The following SP4 variants were observed in gnomAD, a reference collection of about 807,000 sequenced individuals.
The protein encoded by SP4 is transcription factor Sp4.
In SP4, 19 loss-of-function variants were observed where a neutral mutation model predicts 72.8. The observed-to-expected ratio is 0.26, with a 90% CI of 0.18 to 0.38. SP4 has a LOEUF of 0.38. Among genes scored for constraint, SP4 ranks in the 10% least tolerant of loss-of-function variants. The probability of loss-of-function intolerance (pLI) is 1.00; values close to 1 mark genes in which losing one functional copy is unlikely to be tolerated. For synonymous variants in SP4, 395 were observed against 333.1 expected, an observed-to-expected ratio of 1.19 and a Z score of -2.02; for missense variants, 1,008 against 926.3, an observed-to-expected ratio of 1.09 and a Z score of -1.14.
At chr7:21,475,903 C>G (rs1784485164) in intron 3 of SP4, among the ~76,000 whole-genome samples, 1 of 152,146 alleles carries the variant, frequency 6.6e-6, no homozygotes, top group East Asian at 1.9e-4. Flanking sequence ...ATTTTCTTTT[C>G]AGTCCATTCA....
chr7:21,434,877 G>A (rs1782995858), intron 3 of SP4, among the ~76,000 whole-genome samples: 1 of 151,756 alleles, frequency 6.6e-6, no homozygotes, highest in South Asian at 2.1e-4. Flanking sequence ...TGACTTCAAA[G>A]GAAAAGCAGA....
At chr7:21,489,116 C>A (rs1041023152) in intron 5 of SP4, among the ~76,000 whole-genome samples, 1 of 151,958 alleles carries the variant, frequency 6.6e-6, no homozygotes, top group South Asian at 2.1e-4. Flanking sequence ...TAATATATGA[C>A]GACTTAGTGT....
rs553687911 is a variant in SP4 at position 21,433,887 on chromosome 7, G to A, written c.1678+3044G>A. Reference sequence around the variant, plus strand: ...CCCAGGAGGTGGAGGTTGTTGCAGTGAGCCGAGATCGCGCCATTGCACTTC... The same window carrying A: ...CCCAGGAGGTGGAGGTTGTTGCAGTAAGCCGAGATCGCGCCATTGCACTTC... On this transcript the variant is annotated intron_variant, in intron 3 of 5. Coordinates refer to ENST00000222584, the MANE Select transcript of SP4 (RefSeq NM_003112.5). Among the ~76,000 whole-genome samples, 14 of 151,986 alleles carry A rather than the reference G, an allele frequency of 9.2e-5. No individual in the cohort carries two copies. In the South Asian group the frequency reaches 2.9e-3, roughly 32 times the overall value.
rs1782146064 is a variant in SP4, at chr7:21,511,697, A to G, written c.*428A>G. On this transcript the variant is annotated 3_prime_UTR_variant, in exon 6 of 6. Coordinates refer to ENST00000222584, the MANE Select transcript of SP4 (RefSeq NM_003112.5). ...TCTTTTTCTCTATAGCACAGAAAAC[A>G]GATAGTTAACTGATGATAGGGATAA... 6.2e-6 allele frequency: 1 copy of G among 160,008 alleles called. No homozygotes were observed. Among genetic ancestry groups the G allele is most frequent in the South Asian group, 1.8e-4 (1 of 5,644 alleles). The allele number at this position is 160,008 out of a possible 1,614,324, so 9.9% of individuals were successfully genotyped here.
At chr7:21,479,187 T>A (rs73265661) in intron 4 of SP4, among the ~76,000 whole-genome samples, 1 of 152,144 alleles carries the variant, frequency 6.6e-6, no homozygotes, top group East Asian at 1.9e-4. Context: ...AGTTTTCTAT[T>A]TTCCTTTATT....
chr7:21,445,612 T>G (rs917455980), intron 3 of SP4, among the ~76,000 whole-genome samples: 2 of 152,204 alleles, frequency 1.3e-5, no homozygotes, highest in African/African-American at 4.8e-5. Flanking sequence ...TTGTTTTATC[T>G]TGATCTTAGA....
intron 5 of SP4, chr7:21,482,871 T>C: frequency 2.4e-6 from 1 of 408,558 alleles, no homozygotes; most frequent in Middle Eastern, 1.2e-3. Context: ...TATATAATAT[T>C]TTATCACATG....
intron 5 of SP4, among the ~76,000 whole-genome samples, chr7:21,483,286 A>G (rs1235743344): frequency 1.3e-5 from 2 of 151,588 alleles, no homozygotes; most frequent in African/African-American, 4.8e-5. Flanking sequence ...TATTTATATG[A>G]TTTATATGTT....
intron 3 of SP4, among the ~76,000 whole-genome samples, chr7:21,468,833 A>C (rs571572554): frequency 2.6e-5 from 4 of 152,234 alleles, no homozygotes; most frequent in East Asian, 3.9e-4. Context: ...CTACAGTGAG[A>C]TATCCAATTT....
intron 5 of SP4, among the ~76,000 whole-genome samples, chr7:21,490,225 T>C (rs964098398): frequency 6.6e-6 from 1 of 152,218 alleles, no homozygotes; most frequent in Non-Finnish European, 1.5e-5. Flanking sequence ...GAGATCTTTT[T>C]CCCTCCTTTG....
rs1352743740 is a variant in SP4 at position 21,514,591 on chromosome 7, A to G, written c.*3322A>G. The G allele has an allele frequency of 6.6e-6, 1 of 151,582 alleles. No individual in the cohort carries two copies. The highest frequency in any genetic ancestry group is 1.9e-4 in the East Asian group (1 of 5,174). The allele number at this position is 151,582 out of a possible 1,614,324, so 9.4% of individuals were successfully genotyped here. ...GAAAAAAACCTGTTTCCCATATTCT[A>G]GAATTTAGACAATTATTCTGCCAGC... is the stretch of plus-strand genomic sequence containing the variant. On this transcript the variant is annotated 3_prime_UTR_variant, in exon 6 of 6. Coordinates refer to ENST00000222584, the MANE Select transcript of SP4 (RefSeq NM_003112.5).
At chr7:21,476,568 A>G (rs908806113) in intron 3 of SP4, among the ~76,000 whole-genome samples, 2 of 152,206 alleles carry the variant, frequency 1.3e-5, no homozygotes, top group African/African-American at 4.8e-5. Context: ...AGTCGAATCA[A>G]TAAAGAGATG....
intron 5 of SP4, among the ~76,000 whole-genome samples, chr7:21,496,807 G>A (rs1020099499): frequency 1.3e-5 from 2 of 152,034 alleles, no homozygotes. Flanking sequence ...CTTGCCTTCA[G>A]CACTCAGCCA....
At chr7:21,471,261 A>G in intron 3 of SP4, 1 of 366,948 alleles carries the variant, frequency 2.7e-6, no homozygotes, top group Non-Finnish European at 5.6e-6. Flanking sequence ...CTTTTTGGGG[A>G]GCTAGGTCTG....
chr7:21,491,791 T>A (rs1295890495), intron 5 of SP4, among the ~76,000 whole-genome samples: 1 of 152,072 alleles, frequency 6.6e-6, no homozygotes, highest in Non-Finnish European at 1.5e-5. Flanking sequence ...CTCAAAACAG[T>A]ATAGTAACAA....
chr7:21,455,797 CT>C (rs1376976421), intron 3 of SP4, among the ~76,000 whole-genome samples: 1 of 152,186 alleles, frequency 6.6e-6, no homozygotes, highest in Non-Finnish European at 1.5e-5. Flanking sequence ...CAGCCTATAT[CT>C]TTGTCTTCAT....
Position 21,502,040 on chromosome 7 carries a change from A to ACC in SP4, c.2108-8970_2108-8969dup, listed in dbSNP as rs55723306. 8.3e-3 allele frequency among the ~76,000 whole-genome samples: 600 copies of ACC among 72,262 alleles called. 27 individuals carry two copies. Among genetic ancestry groups the ACC allele is most frequent in the East Asian group, 0.07 (64 of 912 alleles). The allele number at this position is 72,262 out of a possible 152,430, so 47.4% of individuals were successfully genotyped here. On this transcript the variant is annotated intron_variant, in intron 5 of 5. Transcript: ENST00000222584. ...GTTTCGGGCCTTAAATTCATTAGGC[A>ACC]CCCCCCCCCCCCCGGAACTCCTATA...
chr7:21,448,483 T>C (rs1783492833), intron 3 of SP4, among the ~76,000 whole-genome samples: 1 of 152,102 alleles, frequency 6.6e-6, no homozygotes, highest in Admixed American at 6.6e-5. Context: ...AAGGTGACAT[T>C]GTGGTGCTGG....
At chr7:21,437,878 G>A (rs1182172792) in intron 3 of SP4, among the ~76,000 whole-genome samples, 5 of 152,154 alleles carry the variant, frequency 3.3e-5, no homozygotes, top group South Asian at 2.1e-4. Context: ...ACTCGCAAAT[G>A]TATCAAGAAG....
Sources: gnomAD v4.1 joint callset for allele counts (sites outside exome capture counted in the v4.1 genomes callset) on GRCh38, gnomAD v4.1.1 for gene constraint, MANE v1.5 for transcripts, NCBI Gene and HGNC (gene_info 2026-07-23, HGNC 2026-07-21) for gene names.